The following ADGRG1 variants were observed in gnomAD, a reference collection of about 807,000 sequenced individuals.
The protein encoded by ADGRG1 is 7-transmembrane protein with no EGF-like N-terminal domains-1.
Under a neutral mutation model 73.5 loss-of-function variants are expected in ADGRG1, and 53 were observed. The observed-to-expected ratio is 0.72, with a 90% CI of 0.58 to 0.91. ADGRG1 has a LOEUF of 0.91. Ranked by LOEUF, ADGRG1 falls within the 40% of genes least tolerant of loss-of-function variation. ADGRG1 has a pLI of 0.00. For synonymous variants in ADGRG1, 394 were observed against 374.4 expected, an observed-to-expected ratio of 1.05 and a Z score of -0.60; for missense variants, 795 against 871.8, an observed-to-expected ratio of 0.91 and a Z score of 1.11.
At chr16:57,643,772 C>G (rs1406288516) in intron 1 of ADGRG1, 1 of 984,618 alleles carries the variant, frequency 1.0e-6, no homozygotes, top group Non-Finnish European at 1.2e-6. Context: ...CTGTGGTCAC[C>G]TAGCTTGGAC....
intron 1 of ADGRG1, chr16:57,647,193 A>C: frequency 1.0e-6 from 1 of 985,346 alleles, no homozygotes; most frequent in Non-Finnish European, 1.2e-6. Context: ...CTGTGTGGCA[A>C]CTTTCTTGTC....
chr16:57,640,194 C>T (rs910697366), intron 1 of ADGRG1: 7 of 152,240 alleles, frequency 4.6e-5, no homozygotes, highest in African/African-American at 1.7e-4. Context: ...TGGCGTCCAG[C>T]TGAACCCATG....
rs11866912 is a variant in ADGRG1, at chr16:57,656,694, C to A, written c.1167+77C>A. ...TCTGTGCAAGCACTTTTCATATATT[C>A]AGTCATTTATTCCTCATAACAGCTC... On this transcript the variant is annotated intron_variant, in intron 9 of 13. Coordinates refer to ENST00000562631, the MANE Select transcript of ADGRG1 (RefSeq NM_201525.4). 404,657 of 872,956 alleles carry A rather than the reference C, an allele frequency of 0.46. 95,864 individuals are homozygous for A. The highest frequency in any genetic ancestry group is 0.54 in the Admixed American group (32,003 of 58,940). The allele number at this position is 872,956 out of a possible 1,614,324, so 54.1% of individuals were successfully genotyped here. A position where few individuals can be genotyped will look rare whatever the true frequency, so the allele number is the denominator to read the frequency against.
chr16:57,652,188 C>G, intron 3 of ADGRG1: 1 of 991,902 alleles, frequency 1.0e-6, no homozygotes, highest in Non-Finnish European at 1.2e-6. Flanking sequence ...GGGGTTGACT[C>G]TGAGGTCCAG....
chr16:57,622,933 G>A, upstream of ADGRG1: 6 of 985,450 alleles, frequency 6.1e-6, no homozygotes, highest in Non-Finnish European at 7.2e-6. Flanking sequence ...GGCAGGGACA[G>A]GGTGACCCTG....
intron 10 of ADGRG1, chr16:57,658,992 C>A: frequency 2.0e-6 from 2 of 985,212 alleles, no homozygotes; most frequent in Non-Finnish European, 2.4e-6. Flanking sequence ...AAACCTCAGA[C>A]AGACCGATGC....
chr16:57,655,415 T>A lies in ADGRG1; in HGVS notation c.785T>A (p.Ile262Asn). The A allele has an allele frequency of 6.2e-7, 1 of 1,613,312 alleles. No individual in the cohort carries two copies. The highest frequency in any genetic ancestry group is 1.7e-5 in the Admixed American group (1 of 60,000). Residue 262 changes from isoleucine to asparagine, a missense_variant, in exon 6 of 14, where the codon ATC (isoleucine) becomes AAC (asparagine). Transcript: ENST00000562631. ...CCTCTGCAGGAGGAGCAGAGCGAGA[T>A]CATGGAGTACTCGGTGCTGCTGCCT... ...HSRQEEEQSE[I>N]MEYSVLLPRT...
upstream of ADGRG1, chr16:57,623,779 G>A (rs920810153): frequency 4.1e-6 from 4 of 985,084 alleles, no homozygotes; most frequent in African/African-American, 3.5e-5. Context: ...GGGAGATGGC[G>A]TTATCATGGG....
At chr16:57,625,739 ATCT>A (rs2035715253), upstream of ADGRG1, 8 of 773,332 alleles carry the variant, frequency 1.0e-5, no homozygotes, top group South Asian at 5.9e-5. Flanking sequence ...CTACCCAAAC[ATCT>A]TCTCTGGCTC....
chr16:57,637,415 T>C, intron 1 of ADGRG1: 1 of 985,298 alleles, frequency 1.0e-6, no homozygotes, highest in Non-Finnish European at 1.2e-6. Flanking sequence ...GTTGCTGTTG[T>C]AAGTGAGTGC....
intron 7 of ADGRG1, 109 bp downstream of exon 7, chr16:57,656,101 G>C: frequency 6.2e-7 from 1 of 1,613,126 alleles, no homozygotes. Context: ...TTGCCTGATC[G>C]AGCAGTCAGG....
At chr16:57,639,000 G>C (rs1273247187) in intron 1 of ADGRG1, among the ~76,000 whole-genome samples, 6 of 152,126 alleles carry the variant, frequency 3.9e-5, no homozygotes, top group Admixed American at 3.9e-4. Flanking sequence ...AAACTGGAAG[G>C]CTGAGGTTGC....
Position 57,656,257 on chromosome 16 carries a change from T to A in ADGRG1, c.1049T>A (p.Val350Asp). The A allele has an allele frequency of 6.2e-7, 1 of 1,613,170 alleles. No individual in the cohort carries two copies. Among genetic ancestry groups the A allele is most frequent in the Non-Finnish European group, 8.5e-7 (1 of 1,179,638 alleles). ...KNVTLQCVFW[V>D]EDPTLSSPGH... ...GTGACTCTGCAATGTGTGTTCTGGG[T>A]TGAAGACCCCACATGTGAGTATGCA... The change falls in exon 8 of 14, where the codon GTT becomes GAT. Residue 350 changes from valine (V) to aspartate (D), a missense_variant. Coordinates refer to ENST00000562631, the MANE Select transcript of ADGRG1 (RefSeq NM_201525.4).
At chr16:57,653,952 C>A in intron 4 of ADGRG1, 34 bp from the exon 5 acceptor site, 1 of 1,613,182 alleles carries the variant, frequency 6.2e-7, no homozygotes, top group South Asian at 1.1e-5. Context: ...CGGCCCCCTC[C>A]CCACCATCAC....
chr16:57,636,318 C>T, intron 1 of ADGRG1: 2 of 985,364 alleles, frequency 2.0e-6, no homozygotes, highest in Non-Finnish European at 2.4e-6. Context: ...GCCATTAAAG[C>T]TGTCTGTGGC....
intron 1 of ADGRG1, chr16:57,647,887 T>G: frequency 2.9e-5 from 11 of 383,862 alleles, no homozygotes; most frequent in Non-Finnish European, 3.2e-5. Flanking sequence ...GGGAGCTCTC[T>G]ACCTGTACTC....
upstream of ADGRG1, chr16:57,626,969 G>A: frequency 1.0e-6 from 1 of 985,598 alleles, no homozygotes; most frequent in Non-Finnish European, 1.2e-6. Context: ...GCAGCCCCGG[G>A]AGAGAGCAGA....
chr16:57,647,275 T>C (rs2042902584), intron 1 of ADGRG1: 1 of 985,142 alleles, frequency 1.0e-6, no homozygotes. Context: ...TAACCTTCCA[T>C]TGCACTCTCC....
At chr16:57,657,303 T>C in intron 9 of ADGRG1, 70 bp from the exon 10 acceptor site, 1 of 1,608,856 alleles carries the variant, frequency 6.2e-7, no homozygotes, top group East Asian at 2.2e-5. Context: ...GGTTAGCCCC[T>C]CACGCAGGGC....
Sources: gnomAD v4.1 joint callset for allele counts (sites outside exome capture counted in the v4.1 genomes callset) on GRCh38, gnomAD v4.1.1 for gene constraint, MANE v1.5 for transcripts, NCBI Gene and HGNC (gene_info 2026-07-23, HGNC 2026-07-21) for gene names.